Variants in PBX1 observed in about 807,000 individuals in gnomAD.
The protein encoded by PBX1 is PBX homeobox 1, also known as pre-B-cell leukemia transcription factor 1.
A neutral mutation model predicts 53.4 loss-of-function variants in PBX1; 6 were observed. That is an observed-to-expected ratio of 0.11 (90% confidence interval 0.06 to 0.22). The LOEUF (loss-of-function observed/expected upper bound fraction) is 0.22. Among genes scored for constraint, PBX1 ranks in the 10% least tolerant of loss-of-function variants. The pLI is 1.00. For synonymous variants in PBX1, 204 were observed against 212.3 expected (o/e 0.96, Z 0.34); for missense variants, 251 against 551.4 (o/e 0.46, Z 5.46).
At chr1:164,787,722 GAATT>G (rs1362822779) in intron 2 of PBX1, 1 of 152,204 alleles carries the variant, frequency 6.6e-6, no homozygotes, top group African/African-American at 2.4e-5. Context: ...TTTTACCAAA[GAATT>G]AACCCCAGGG....
intron 2 of PBX1, among the ~76,000 whole-genome samples, chr1:164,607,095 G>C (rs1656608382): frequency 6.6e-6 from 1 of 152,228 alleles, no homozygotes; most frequent in South Asian, 2.1e-4. Context: ...CATAACAGGA[G>C]TAAGTAGATT....
chr1:164,668,458 C>T (rs1007806384), intron 2 of PBX1, among the ~76,000 whole-genome samples: 1 of 151,642 alleles, frequency 6.6e-6, no homozygotes, highest in Admixed American at 6.6e-5. Context: ...TCCACCATGA[C>T]TTAGGATCAC....
intron 2 of PBX1, among the ~76,000 whole-genome samples, chr1:164,721,697 G>A (rs1200212857): frequency 1.3e-5 from 2 of 152,116 alleles, no homozygotes; most frequent in East Asian, 3.9e-4. Context: ...GTTTTATTTA[G>A]TGTCTCATTA....
chr1:164,855,840 C>T (rs1571534968), downstream of PBX1, among the ~76,000 whole-genome samples: 1 of 152,194 alleles, frequency 6.6e-6, no homozygotes, highest in East Asian at 1.9e-4. Flanking sequence ...ATTCTGCCTC[C>T]TTTCTCTGAG....
chr1:164,738,158 G>A (rs1665401944), intron 2 of PBX1, among the ~76,000 whole-genome samples: 1 of 152,148 alleles, frequency 6.6e-6, no homozygotes, highest in South Asian at 2.1e-4. Flanking sequence ...ATCCATTGAT[G>A]AACATTTGGA....
intron 2 of PBX1, among the ~76,000 whole-genome samples, chr1:164,688,036 C>A (rs1202733484): frequency 6.6e-6 from 1 of 152,148 alleles, no homozygotes; most frequent in Non-Finnish European, 1.5e-5. Flanking sequence ...AACCATGGTG[C>A]TCTCTAGGAA....
intron 2 of PBX1, among the ~76,000 whole-genome samples, chr1:164,698,838 C>T (rs557566453): frequency 1.3e-5 from 2 of 152,192 alleles, no homozygotes; most frequent in Non-Finnish European, 2.9e-5. Flanking sequence ...TCAGGTAATC[C>T]TCACAACCAC....
At chr1:164,775,222 AAG>A (rs1667585550) in intron 2 of PBX1, among the ~76,000 whole-genome samples, 1 of 152,140 alleles carries the variant, frequency 6.6e-6, no homozygotes, top group Non-Finnish European at 1.5e-5. Flanking sequence ...ATAAGATTTT[AAG>A]AGTCTGAGAC....
intron 2 of PBX1, among the ~76,000 whole-genome samples, chr1:164,697,936 G>T (rs555763464): frequency 2.6e-5 from 4 of 152,144 alleles, no homozygotes; most frequent in Non-Finnish European, 5.9e-5. Context: ...TTGCCTCCAG[G>T]TATCAGACAT....
chr1:164,651,422 C>T (rs1409442194), intron 2 of PBX1, among the ~76,000 whole-genome samples: 1 of 152,012 alleles, frequency 6.6e-6, no homozygotes, highest in African/African-American at 2.4e-5. Context: ...GTGGCTGTCT[C>T]GTTTCCCTAC....
chr1:164,704,229 A>G (rs1663297118), intron 2 of PBX1, among the ~76,000 whole-genome samples: 1 of 152,202 alleles, frequency 6.6e-6, no homozygotes. Flanking sequence ...TAATAACTAT[A>G]AAGAAGACAG....
In PBX1 at chr1:164,774,193, A is replaced by AT. The variant is rs59941530; in HGVS notation, c.266-18297dup. ...AAAAAAATAAACCTAACATAAGACA[A>AT]TTTTCTTTTTCAGCAAGGCACAGGG... On this transcript the variant is annotated intron_variant, in intron 2 of 8. Transcript: ENST00000420696. Among the ~76,000 whole-genome samples, 567 of 152,270 alleles carry AT rather than the reference A, an allele frequency of 3.7e-3. 4 individuals are homozygous for AT. The highest frequency in any genetic ancestry group is 0.013 in the African/African-American group (544 of 41,564).
chr1:164,687,561 T>TAAAAAAAA (rs5778407), intron 2 of PBX1, among the ~76,000 whole-genome samples: 1 of 110,488 alleles, frequency 9.1e-6, no homozygotes, highest in Non-Finnish European at 1.8e-5. Context: ...AGACCTTGTC[T>TAAAAAAAA]AAAAAAAAAA....
chr1:164,668,543 C>T (rs7555835), intron 2 of PBX1, among the ~76,000 whole-genome samples: 4,385 of 152,128 alleles, frequency 0.029, 96 homozygotes, highest in South Asian at 0.055. Flanking sequence ...AGATAGGTGT[C>T]GATAACAGGG....
rs369480093 is a variant in PBX1, at chr1:164,875,275, C to T, written n.258-23913C>T. 3.9e-5 allele frequency among the ~76,000 whole-genome samples: 6 copies of T among 152,076 alleles called. No homozygotes were observed. In the South Asian group the frequency reaches 1.3e-3, roughly 32 times the overall value. On this transcript the variant is annotated intron_variant and non_coding_transcript_variant, in intron 2 of 2. Coordinates refer to the PBX1 transcript ENST00000558796. ...ACAGGGATACAGACATAAGGGAGCCCCAGAACAAAAATTACATTATTTTAT... is the reference window on the plus strand; with the variant it reads ...ACAGGGATACAGACATAAGGGAGCCTCAGAACAAAAATTACATTATTTTAT...
intron 2 of PBX1, among the ~76,000 whole-genome samples, chr1:164,746,472 G>T (rs373373062): frequency 1.3e-5 from 2 of 152,126 alleles, no homozygotes; most frequent in African/African-American, 4.8e-5. Context: ...CACCTCCCAG[G>T]TTCAAGTGAT....
downstream of PBX1, among the ~76,000 whole-genome samples, chr1:164,855,080 C>T (rs1359643394): frequency 1.3e-5 from 2 of 151,576 alleles, no homozygotes; most frequent in Non-Finnish European, 2.9e-5. Context: ...ACCCAAGTAG[C>T]TGGGACTTCA....
chr1:164,762,213 A>C (rs1557991870), intron 2 of PBX1, among the ~76,000 whole-genome samples: 1 of 152,188 alleles, frequency 6.6e-6, no homozygotes, highest in Non-Finnish European at 1.5e-5. Flanking sequence ...AAGATGAAGA[A>C]TAAAGTGTCC....
chr1:164,696,149 G>A (rs945863679), intron 2 of PBX1, among the ~76,000 whole-genome samples: 1 of 151,940 alleles, frequency 6.6e-6, no homozygotes, highest in South Asian at 2.1e-4. Context: ...TGGTAAAAAT[G>A]TGCCGGATGT....
Sources: gnomAD v4.1 joint callset for allele counts (sites outside exome capture counted in the v4.1 genomes callset) on GRCh38, gnomAD v4.1.1 for gene constraint, MANE v1.5 for transcripts, NCBI Gene and HGNC (gene_info 2026-07-23, HGNC 2026-07-21) for gene names.